CYTH3: variants seen among roughly 807,000 people sequenced by gnomAD.
The protein encoded by CYTH3 is cytohesin-3.
A neutral mutation model predicts 55.1 loss-of-function variants in CYTH3; 23 were observed. That is an observed-to-expected ratio of 0.42 (90% CI 0.30 to 0.59). The LOEUF (loss-of-function observed/expected upper bound fraction) is 0.59. CYTH3 is among the 20% of genes least tolerant of loss of function. The pLI, the probability that CYTH3 is intolerant of heterozygous loss-of-function variation, is 0.20. For synonymous variants in CYTH3, 249 were observed against 194.9 expected (o/e 1.28, Z -2.31); for missense variants, 413 against 524.8 (o/e 0.79, Z 2.08).
intron 1 of CYTH3, among the ~76,000 whole-genome samples, chr7:6,255,881 A>G (rs1186174261): frequency 1.4e-5 from 2 of 146,680 alleles, no homozygotes; most frequent in East Asian, 2.0e-4. Context: ...CTCCTGCCTC[A>G]GCCTCCTGAG....
intron 1 of CYTH3, among the ~76,000 whole-genome samples, chr7:6,192,586 C>T (rs564519542): frequency 2.8e-4 from 38 of 136,054 alleles, no homozygotes; most frequent in Non-Finnish European, 4.1e-4. Flanking sequence ...GGCTGGAGTG[C>T]GGTGGCACGA....
chr7:6,165,875 G>T, intron 9 of CYTH3, 65 bp from the exon 10 acceptor site: 1 of 1,533,894 alleles, frequency 6.5e-7, no homozygotes. Context: ...TCCAAGAGGG[G>T]GCCCTGGACC....
At chr7:6,204,934 G>A (rs1281919734) in intron 1 of CYTH3, among the ~76,000 whole-genome samples, 1 of 152,098 alleles carries the variant, frequency 6.6e-6, no homozygotes, top group Non-Finnish European at 1.5e-5. Flanking sequence ...GGAGGCTGAG[G>A]TGGGTGGATC....
chr7:6,227,645 T>C (rs766027248), intron 1 of CYTH3, among the ~76,000 whole-genome samples: 1 of 152,164 alleles, frequency 6.6e-6, no homozygotes. Flanking sequence ...CTGGAAAACC[T>C]CTGGTTGGGG....
intron 1 of CYTH3, among the ~76,000 whole-genome samples, chr7:6,207,521 T>A (rs549542412): frequency 6.6e-6 from 1 of 152,148 alleles, no homozygotes; most frequent in Non-Finnish European, 1.5e-5. Flanking sequence ...TCCCAGTACT[T>A]TGGGAAGCCA....
intron 2 of CYTH3, 110 bp downstream of exon 2, chr7:6,190,338 GT>G: frequency 1.2e-6 from 1 of 804,744 alleles, no homozygotes; most frequent in Non-Finnish European, 1.7e-6. Flanking sequence ...GTTATTTTTT[GT>G]TTTTGGGTTT....
At chr7:6,183,214 A>T (rs1330514343) in intron 4 of CYTH3, among the ~76,000 whole-genome samples, 1 of 152,296 alleles carries the variant, frequency 6.6e-6, no homozygotes, top group South Asian at 2.1e-4. Flanking sequence ...CTGTTCCCTG[A>T]ATGTACCTCC....
chr7:6,191,257 G>A (rs1583766851), intron 1 of CYTH3, among the ~76,000 whole-genome samples: 1 of 152,110 alleles, frequency 6.6e-6, no homozygotes, highest in East Asian at 1.9e-4. Context: ...AGACCAGCCT[G>A]AGCAAGATGG....
At chr7:6,202,696 T>A (rs150647485) in intron 1 of CYTH3, among the ~76,000 whole-genome samples, 4 of 152,224 alleles carry the variant, frequency 2.6e-5, no homozygotes, top group African/African-American at 9.6e-5. Flanking sequence ...CGACCTGAGG[T>A]GATCCGCCCG....
chr7:6,258,298 G>A (rs1780183867), intron 1 of CYTH3, among the ~76,000 whole-genome samples: 1 of 149,480 alleles, frequency 6.7e-6, no homozygotes, highest in African/African-American at 2.5e-5. Context: ...AGGAGACAGA[G>A]CAAGACACAG....
chr7:6,190,547 A>C lies in CYTH3; in HGVS notation c.35-16T>G. 6.7e-7 allele frequency: 1 copy of C among 1,498,656 alleles called. No individual in the cohort carries two copies. Among genetic ancestry groups the C allele is most frequent in the Non-Finnish European group, 8.8e-7 (1 of 1,133,892 alleles). The allele number at this position is 1,498,656 out of a possible 1,614,324, so 92.8% of individuals were successfully genotyped here. On this transcript the variant is annotated splice_polypyrimidine_tract_variant and intron_variant, in intron 1 of 12. Transcript: ENST00000350796. ...TCTTCAGGCACTGAAAGAAGAAAAA[A>C]ATAATTAACTACTTTGGAGAACACA...
At chr7:6,268,531 C>A (rs1048932987) in intron 1 of CYTH3, among the ~76,000 whole-genome samples, 4 of 152,198 alleles carry the variant, frequency 2.6e-5, no homozygotes, top group Admixed American at 6.5e-5. Flanking sequence ...AGAGCTTCCT[C>A]GTTCCTTTCT....
intron 1 of CYTH3, among the ~76,000 whole-genome samples, chr7:6,205,344 G>C (rs1416108660): frequency 6.6e-6 from 1 of 152,142 alleles, no homozygotes; most frequent in Non-Finnish European, 1.5e-5. Flanking sequence ...AGTCCAAGGT[G>C]GGCAGATCAC....
chr7:6,180,077 G>A (rs1282697504), intron 4 of CYTH3, among the ~76,000 whole-genome samples: 1 of 152,222 alleles, frequency 6.6e-6, no homozygotes, highest in South Asian at 2.1e-4. Context: ...TGAGGCCGGT[G>A]GAGAAGCCAG....
intron 1 of CYTH3, among the ~76,000 whole-genome samples, chr7:6,257,683 C>T (rs530719617): frequency 6.6e-6 from 1 of 152,306 alleles, no homozygotes; most frequent in Admixed American, 6.5e-5. Flanking sequence ...TTTTTCTCTT[C>T]GCACTCTATG....
chr7:6,164,555 G>A lies in CYTH3; in HGVS notation c.*389C>T, dbSNP rs781343423. On this transcript the variant is annotated 3_prime_UTR_variant, in exon 13 of 13. Transcript: ENST00000350796. Reference sequence around the variant, plus strand: ...TTGGCATGGTACGAATGAGGCTCCCGTCTGTGGAATCCGTCCCGTGTCTGC... The same window carrying A: ...TTGGCATGGTACGAATGAGGCTCCCATCTGTGGAATCCGTCCCGTGTCTGC... 6 of 238,030 alleles carry A rather than the reference G, an allele frequency of 2.5e-5. No homozygotes were observed. The highest frequency in any genetic ancestry group is 1.1e-4 in the East Asian group (1 of 8,748). The allele number at this position is 238,030 out of a possible 1,614,324, so 14.7% of individuals were successfully genotyped here.
At chr7:6,236,479 G>A (rs1779528123) in intron 1 of CYTH3, among the ~76,000 whole-genome samples, 1 of 151,504 alleles carries the variant, frequency 6.6e-6, no homozygotes, top group African/African-American at 2.4e-5. Context: ...AAAAGCACTG[G>A]AATTACAGGT....
intron 1 of CYTH3, among the ~76,000 whole-genome samples, chr7:6,208,449 C>A (rs529027513): frequency 6.6e-6 from 1 of 152,234 alleles, no homozygotes; most frequent in East Asian, 1.9e-4. Flanking sequence ...CAGTTCCATA[C>A]AGCAAAACTA....
chr7:6,191,794 T>C (rs984895433), intron 1 of CYTH3, among the ~76,000 whole-genome samples: 1 of 152,006 alleles, frequency 6.6e-6, no homozygotes, highest in South Asian at 2.1e-4. Context: ...GTTAAGAAAC[T>C]AGGCCAGGCA....
Sources: gnomAD v4.1 joint callset for allele counts (sites outside exome capture counted in the v4.1 genomes callset) on GRCh38, gnomAD v4.1.1 for gene constraint, MANE v1.5 for transcripts, NCBI Gene and HGNC (gene_info 2026-07-23, HGNC 2026-07-21) for gene names.